Variants in RNF214 observed in about 807,000 individuals in gnomAD.
The protein encoded by RNF214 is ring finger protein 214.
A neutral mutation model predicts 75.9 loss-of-function variants in RNF214; 25 were observed. The ratio of observed to expected loss-of-function variants is 0.33; its 90% CI spans 0.24 to 0.46. The LOEUF is 0.46. Ranked by LOEUF, RNF214 falls within the 20% of genes least tolerant of loss-of-function variation. RNF214 has a pLI of 1.00. For synonymous variants in RNF214, 314 were observed against 308.8 expected (o/e 1.02, Z -0.18); for missense variants, 725 against 857.5 (o/e 0.85, Z 1.93).
chr11:117,243,056 C>T (rs1253501757), intron 4 of RNF214, among the ~76,000 whole-genome samples: 1 of 152,234 alleles, frequency 6.6e-6, no homozygotes, highest in Non-Finnish European at 1.5e-5. Context: ...GTTTGGGACA[C>T]ATTAGTCACA....
At chr11:117,273,363 A>T (rs2033949431) in intron 6 of RNF214, among the ~76,000 whole-genome samples, 1 of 151,092 alleles carries the variant, frequency 6.6e-6, no homozygotes, top group Non-Finnish European at 1.5e-5. Flanking sequence ...AATTTGTTTT[A>T]TTATTATTAT....
intron 6 of RNF214, among the ~76,000 whole-genome samples, chr11:117,275,560 A>G (rs890293825): frequency 2.0e-5 from 3 of 152,232 alleles, no homozygotes; most frequent in South Asian, 2.1e-4. Flanking sequence ...TAGAGATACC[A>G]TAACTGATAC....
At chr11:117,265,882 A>G (rs992527895) in intron 6 of RNF214, among the ~76,000 whole-genome samples, 1 of 152,174 alleles carries the variant, frequency 6.6e-6, no homozygotes, top group African/African-American at 2.4e-5. Flanking sequence ...TGCTCCCTGT[A>G]TTCATTTTCA....
chr11:117,282,569 A>C (rs1392931586), intron 12 of RNF214, 33 bp downstream of exon 12: 1 of 1,610,862 alleles, frequency 6.2e-7, no homozygotes, highest in Non-Finnish European at 8.5e-7. Context: ...GAACTTAGGC[A>C]TGTTGAGGGC....
intron 12 of RNF214, 96 bp from the exon 13 acceptor site, chr11:117,282,650 T>A: frequency 6.5e-7 from 1 of 1,548,682 alleles, no homozygotes; most frequent in Admixed American, 1.8e-5. Context: ...GCTAGTCTGC[T>A]TTTTTCCTTT....
rs11461326 is a variant in RNF214 at position 117,274,356 on chromosome 11, C to CTTTTTTTT, written c.960-5536_960-5529dup. Among the ~76,000 whole-genome samples the CTTTTTTTT allele has an allele frequency of 2.0e-4, 16 of 79,476 alleles. 1 individual carries two copies. The highest frequency in any genetic ancestry group is 4.8e-4 in the African/African-American group (10 of 20,668). 52.1% of individuals were successfully genotyped at this position (79,476 alleles called of 152,430 possible). A position where few individuals can be genotyped will look rare whatever the true frequency, so the allele number is the denominator to read the frequency against. On this transcript the variant is annotated intron_variant, in intron 6 of 14. Coordinates refer to ENST00000300650, the MANE Select transcript of RNF214 (RefSeq NM_207343.4). ...CTAGTACTGGGAAAACAAATGACTT[C>CTTTTTTTT]TTTTTTTTTTTTTTTTTTTTTTTGA...
rs1358669700 is a variant in RNF214, at chr11:117,281,996, G to C, written c.1438G>C (p.Asp480His). ...AATGCCCATGGTTATGCCCAGTGCA[G>C]ATCCCCGCTCCTTGTCTTTCCCAAT... Reference protein sequence around the residue: ...VTMPMVMPSADPRSLSFPILN... With the variant: ...VTMPMVMPSAHPRSLSFPILN... Residue 480 changes from aspartate (D) to histidine (H), a missense_variant, in exon 11 of 15, where the codon GAT becomes CAT. Around this residue, in one of 2 missense-constraint regions of RNF214, gnomAD observed 363 missense variants for 513.0 expected, o/e 0.71. Coordinates refer to ENST00000300650, the MANE Select transcript of RNF214 (RefSeq NM_207343.4). 4 of 1,613,988 alleles carry C rather than the reference G, an allele frequency of 2.5e-6. No homozygotes were observed. The East Asian group carries it at 6.7e-5, about 27-fold the overall frequency.
At chr11:117,274,107 G>A (rs1470577881) in intron 6 of RNF214, among the ~76,000 whole-genome samples, 3 of 152,038 alleles carry the variant, frequency 2.0e-5, no homozygotes, top group Non-Finnish European at 4.4e-5. Flanking sequence ...TGCAAGCCTC[G>A]TTTATTTTCG....
chr11:117,239,014 T>C lies in RNF214; in HGVS notation c.521T>C (p.Val174Ala), dbSNP rs772099443. The change falls in exon 3 of 15, where the codon GTA becomes GCA. Residue 174 changes from valine to alanine, a missense_variant. Transcript: ENST00000300650. Reference sequence around the variant, plus strand: ...GACACAAGCTTGGATTTCCGACCTGTAGTGTCTCCAGCAAATGGGGTTGAA... The same window carrying C: ...GACACAAGCTTGGATTTCCGACCTGCAGTGTCTCCAGCAAATGGGGTTGAA... ...NRDTSLDFRP[V>A]VSPANGVEGV... 1.2e-6 allele frequency: 2 copies of C among 1,614,156 alleles called. No homozygotes were observed. The highest frequency in any genetic ancestry group is 2.2e-5 in the South Asian group (2 of 91,080).
At chr11:117,258,880 T>C (rs684319) in intron 6 of RNF214, among the ~76,000 whole-genome samples, 1,600 of 152,360 alleles carry the variant, frequency 0.011, 21 homozygotes, top group African/African-American at 0.034. Flanking sequence ...TGTACTCTTT[T>C]GTATCAGAAT....
chr11:117,248,999 T>A (rs2033302582), intron 6 of RNF214, among the ~76,000 whole-genome samples: 1 of 152,054 alleles, frequency 6.6e-6, no homozygotes, highest in Non-Finnish European at 1.5e-5. Context: ...TCTCGGCTCA[T>A]GCAAGCTCCA....
chr11:117,259,085 T>TA (rs2033597727), intron 6 of RNF214, among the ~76,000 whole-genome samples: 1 of 152,172 alleles, frequency 6.6e-6, no homozygotes, highest in African/African-American at 2.4e-5. Flanking sequence ...GCCTTTCGAA[T>TA]AGCTGGGATT....
chr11:117,241,675 AG>A (rs373447591), intron 4 of RNF214, among the ~76,000 whole-genome samples: 3 of 152,124 alleles, frequency 2.0e-5, no homozygotes, highest in African/African-American at 2.4e-5. Flanking sequence ...GTATATTTGA[AG>A]TTTTTTTATG....
intron 6 of RNF214, among the ~76,000 whole-genome samples, chr11:117,263,003 C>A (rs895323091): frequency 3.3e-5 from 5 of 151,920 alleles, no homozygotes; most frequent in African/African-American, 1.2e-4. Context: ...GACGGAGTTT[C>A]ACCATGTGGC....
At chr11:117,240,353 T>C in intron 4 of RNF214, among the ~76,000 whole-genome samples, 1 of 133,662 alleles carries the variant, frequency 7.5e-6, no homozygotes, top group Admixed American at 8.5e-5. Flanking sequence ...GCAGCCTGGG[T>C]GACAGAGTGA....
chr11:117,268,691 C>T (rs1848789426), intron 6 of RNF214, among the ~76,000 whole-genome samples: 1 of 152,056 alleles, frequency 6.6e-6, no homozygotes, highest in South Asian at 2.1e-4. Flanking sequence ...TTTTCATATA[C>T]ATTTTGAAAT....
chr11:117,258,360 C>T (rs960489761), intron 6 of RNF214, among the ~76,000 whole-genome samples: 45 of 152,218 alleles, frequency 3.0e-4, no homozygotes, highest in Admixed American at 2.6e-3. Context: ...AGCCACCACG[C>T]CCAGCCCCGT....
intron 6 of RNF214, among the ~76,000 whole-genome samples, chr11:117,261,258 C>A (rs2033655709): frequency 6.6e-6 from 1 of 152,142 alleles, no homozygotes; most frequent in Non-Finnish European, 1.5e-5. Flanking sequence ...ATGGGTACTT[C>A]ATTTTGTCAA....
chr11:117,249,811 T>C (rs2033322354), intron 6 of RNF214, among the ~76,000 whole-genome samples: 1 of 152,200 alleles, frequency 6.6e-6, no homozygotes. Context: ...ACCAATTCTA[T>C]TGGATTAGGT....
Sources: gnomAD v4.1 joint callset for allele counts (sites outside exome capture counted in the v4.1 genomes callset) on GRCh38, gnomAD v4.1.1 for gene constraint, gnomAD v4.1.1 regional missense constraint, MANE v1.5 for transcripts, NCBI Gene and HGNC (gene_info 2026-07-23, HGNC 2026-07-21) for gene names.